Variants in PANK1 observed in about 807,000 individuals in gnomAD.
PANK1 encodes the protein pantothenic acid kinase 1.
Under a neutral mutation model 40.1 loss-of-function variants are expected in PANK1, and 18 were observed. That is an observed-to-expected ratio of 0.45 (90% CI 0.31 to 0.67). The LOEUF (loss-of-function observed/expected upper bound fraction) is 0.67, where lower values mean the gene tolerates loss of function less well. Among genes scored for constraint, PANK1 ranks in the 30% least tolerant of loss-of-function variants. The probability of loss-of-function intolerance (pLI) is 0.06; values close to 1 mark genes in which losing one functional copy is unlikely to be tolerated. For synonymous variants in PANK1, 242 were observed against 237.7 expected (o/e 1.02, Z -0.17); for missense variants, 457 against 599.6 (o/e 0.76, Z 2.48).
chr10:89,597,564 C>G (rs1164288922), intron 3 of PANK1, among the ~76,000 whole-genome samples: 5 of 152,196 alleles, frequency 3.3e-5, no homozygotes, highest in African/African-American at 1.2e-4. Context: ...AAGCCAAACA[C>G]CACAGTTTGC....
intron 5 of PANK1, among the ~76,000 whole-genome samples, chr10:89,591,291 TGA>T (rs1297966089): frequency 6.6e-6 from 1 of 152,122 alleles, no homozygotes; most frequent in Non-Finnish European, 1.5e-5. Context: ...AGGTTAACAC[TGA>T]GAGACAGAAG....
chr10:89,644,371 C>T (rs1273429560), intron 1 of PANK1, among the ~76,000 whole-genome samples: 3 of 152,220 alleles, frequency 2.0e-5, no homozygotes, highest in African/African-American at 7.2e-5. Flanking sequence ...GTGTCCAATC[C>T]TCGTTCTACT....
intron 5 of PANK1, among the ~76,000 whole-genome samples, chr10:89,592,083 G>A (rs1844410194): frequency 6.6e-6 from 1 of 152,168 alleles, no homozygotes; most frequent in Admixed American, 6.5e-5. Flanking sequence ...TGAGTCCCAT[G>A]ACTCAAGTGG....
At chr10:89,598,198 T>C (rs1395113933) in intron 3 of PANK1, among the ~76,000 whole-genome samples, 2 of 152,216 alleles carry the variant, frequency 1.3e-5, no homozygotes, top group Non-Finnish European at 2.9e-5. Flanking sequence ...TGTTAAATCT[T>C]CCCCTCTTCA....
chr10:89,640,180 A>G (rs1841930129), intron 1 of PANK1, among the ~76,000 whole-genome samples: 1 of 151,740 alleles, frequency 6.6e-6, no homozygotes, highest in African/African-American at 2.4e-5. Context: ...AAGCACATAC[A>G]GAACAATGGA....
At chr10:89,599,952 A>G (rs1376405447) in intron 2 of PANK1, among the ~76,000 whole-genome samples, 3 of 152,110 alleles carry the variant, frequency 2.0e-5, no homozygotes, top group African/African-American at 4.8e-5. Context: ...AGAGATTTAA[A>G]AGATGCAAAG....
chr10:89,620,843 ACTCTTT>A (rs1845462077), intron 1 of PANK1, among the ~76,000 whole-genome samples: 1 of 151,968 alleles, frequency 6.6e-6, no homozygotes, highest in African/African-American at 2.4e-5. Flanking sequence ...GTCTCTTTGT[ACTCTTT>A]CTCTTTATTT....
At chr10:89,644,079 G>A (rs1031332503) in intron 1 of PANK1, 2 of 244,830 alleles carry the variant, frequency 8.2e-6, no homozygotes, top group Non-Finnish European at 7.8e-6. Flanking sequence ...GTGATTTTGG[G>A]GGGTAGTTAA....
intron 6 of PANK1, among the ~76,000 whole-genome samples, chr10:89,587,727 T>C (rs985424631): frequency 6.6e-6 from 1 of 152,190 alleles, no homozygotes; most frequent in Admixed American, 6.5e-5. Flanking sequence ...CATTTTAAGG[T>C]ATAATAAAAT....
intron 1 of PANK1, chr10:89,625,995 A>T (rs1301558782): frequency 6.6e-6 from 1 of 152,198 alleles, no homozygotes; most frequent in East Asian, 1.9e-4. Context: ...TGTCACCCTT[A>T]CAAGAAAATC....
At chr10:89,607,610 A>G (rs1243529393) in intron 2 of PANK1, among the ~76,000 whole-genome samples, 2 of 152,256 alleles carry the variant, frequency 1.3e-5, no homozygotes, top group African/African-American at 4.8e-5. Context: ...CCTGTATTGC[A>G]ATGAAAAGCT....
At chr10:89,610,830 T>C (rs1308907948) in intron 2 of PANK1, among the ~76,000 whole-genome samples, 3 of 152,236 alleles carry the variant, frequency 2.0e-5, no homozygotes, top group African/African-American at 4.8e-5. Context: ...GTTCAATCAC[T>C]TTTGTTTATC....
intron 1 of PANK1, among the ~76,000 whole-genome samples, chr10:89,619,268 G>T (rs141508086): frequency 1.1e-4 from 16 of 152,260 alleles, no homozygotes; most frequent in Middle Eastern, 6.8e-3. Flanking sequence ...CCTATTTCTT[G>T]AAGGCTTTTT....
chr10:89,618,707 G>T (rs1845392461), intron 1 of PANK1, among the ~76,000 whole-genome samples: 1 of 152,196 alleles, frequency 6.6e-6, no homozygotes, highest in South Asian at 2.1e-4. Flanking sequence ...GAATGGAAAT[G>T]GTGTACGTCA....
At chr10:89,581,281 C>A (rs1296942691), downstream of PANK1, 4 of 152,142 alleles carry the variant, frequency 2.6e-5, no homozygotes, top group Admixed American at 2.0e-4. Context: ...GTATACATTA[C>A]CTATAACAAT....
chr10:89,627,509 T>C (rs929109065), intron 1 of PANK1, among the ~76,000 whole-genome samples: 1 of 152,220 alleles, frequency 6.6e-6, no homozygotes, highest in African/African-American at 2.4e-5. Context: ...ACAGGCTTAT[T>C]CATTCACTGA....
At chr10:89,622,357 AC>A (rs886423686) in intron 1 of PANK1, among the ~76,000 whole-genome samples, 1 of 152,150 alleles carries the variant, frequency 6.6e-6, no homozygotes, top group African/African-American at 2.4e-5. Flanking sequence ...TAAGGTAATT[AC>A]CCAGTGTTGG....
chr10:89,584,575 A>T, intron 6 of PANK1, 110 bp from the exon 7 acceptor site: 1 of 720,662 alleles, frequency 1.4e-6, no homozygotes, highest in Non-Finnish European at 2.4e-6. Flanking sequence ...TTAAAACCTA[A>T]ATTGTGTGTC....
At chr10:89,596,485 G>T (rs991212919) in intron 3 of PANK1, among the ~76,000 whole-genome samples, 2 of 152,224 alleles carry the variant, frequency 1.3e-5, no homozygotes, top group Admixed American at 6.5e-5. Context: ...AAGCGAGCAT[G>T]CATTTGCACA....
Sources: allele counts gnomAD v4.1 joint callset (sites outside exome capture counted in the v4.1 genomes callset), GRCh38; gene constraint gnomAD v4.1.1; transcripts MANE v1.5; gene names NCBI Gene and HGNC (gene_info 2026-07-23, HGNC 2026-07-21).